PHKB: variants seen among roughly 807,000 people sequenced by gnomAD.
PHKB encodes the protein phosphorylase b kinase regulatory subunit beta.
Under a neutral mutation model 152.1 loss-of-function variants are expected in PHKB, and 122 were observed. That is an observed-to-expected ratio of 0.80 (90% CI 0.69 to 0.93). PHKB has a LOEUF of 0.93. Ranked by LOEUF, PHKB falls within the 40% of genes least tolerant of loss-of-function variation. The pLI, the probability that PHKB is intolerant of heterozygous loss-of-function variation, is 0.00. For missense variants in PHKB, 1,304 were observed against 1,328.4 expected, an observed-to-expected ratio of 0.98 and a Z score of 0.29; for synonymous variants, 436 against 464.9, an observed-to-expected ratio of 0.94 and a Z score of 0.80.
intron 26 of PHKB, among the ~76,000 whole-genome samples, chr16:47,674,105 C>G (rs1346809077): frequency 6.6e-6 from 1 of 151,776 alleles, no homozygotes; most frequent in Non-Finnish European, 1.5e-5. Flanking sequence ...AATTTATGAT[C>G]CATATTGTAT....
At chr16:47,465,278 A>G (rs960678982) in intron 1 of PHKB, among the ~76,000 whole-genome samples, 1 of 152,214 alleles carries the variant, frequency 6.6e-6, no homozygotes, top group African/African-American at 2.4e-5. Flanking sequence ...TCTGTTTTCC[A>G]TCTTGGCTTT....
intron 4 of PHKB, among the ~76,000 whole-genome samples, chr16:47,509,771 A>G (rs1045662469): frequency 1.3e-5 from 2 of 152,174 alleles, no homozygotes; most frequent in African/African-American, 4.8e-5. Context: ...CTGACACCAA[A>G]TGTGTGGATT....
chr16:47,663,171 G>C (rs1034054815), intron 23 of PHKB, among the ~76,000 whole-genome samples: 11 of 151,846 alleles, frequency 7.2e-5, no homozygotes, highest in Admixed American at 3.9e-4. Context: ...GTGATTTTAC[G>C]GGCAAAATCA....
At chr16:47,543,417 G>A (rs1021937492) in intron 6 of PHKB, among the ~76,000 whole-genome samples, 22 of 152,092 alleles carry the variant, frequency 1.4e-4, no homozygotes, top group African/African-American at 5.3e-4. Flanking sequence ...ATTTTATTGA[G>A]GATTTTTGCA....
chr16:47,610,304 C>T (rs1972404225), intron 13 of PHKB, among the ~76,000 whole-genome samples: 1 of 151,706 alleles, frequency 6.6e-6, no homozygotes, highest in East Asian at 1.9e-4. Flanking sequence ...CCACTGTGCC[C>T]AGCCATCTCA....
intron 1 of PHKB, among the ~76,000 whole-genome samples, chr16:47,487,422 TA>T (rs773832385): frequency 6.7e-6 from 1 of 148,594 alleles, no homozygotes; most frequent in Admixed American, 6.6e-5. Flanking sequence ...TTTATATATA[TA>T]TATATATTTT....
chr16:47,685,405 A>G (rs901458680), intron 26 of PHKB, among the ~76,000 whole-genome samples: 3 of 152,202 alleles, frequency 2.0e-5, no homozygotes, highest in African/African-American at 7.2e-5. Context: ...AGCCTGGGTG[A>G]CAGGGCGAGA....
At chr16:47,643,958 T>C (rs1489879844) in intron 16 of PHKB, among the ~76,000 whole-genome samples, 1 of 152,204 alleles carries the variant, frequency 6.6e-6, no homozygotes, top group African/African-American at 2.4e-5. Flanking sequence ...CACTACTGTG[T>C]CTTTCGGTGC....
intron 16 of PHKB, among the ~76,000 whole-genome samples, chr16:47,644,146 A>G (rs1442679349): frequency 6.6e-6 from 1 of 152,204 alleles, no homozygotes; most frequent in Non-Finnish European, 1.5e-5. Flanking sequence ...ACATTTTACC[A>G]TACATTTATT....
rs1973418516 is a variant in PHKB at position 47,660,378 on chromosome 16, T to G, written c.1972-128T>G. 5.4e-6 allele frequency: 4 copies of G among 735,138 alleles called. No homozygotes were observed. The East Asian group carries it at 8.0e-5, about 15-fold the overall frequency. The allele number at this position is 735,138 out of a possible 1,614,324, so 45.5% of individuals were successfully genotyped here. On this transcript the variant is annotated intron_variant, in intron 20 of 30. Transcript: ENST00000323584. ...TTAGAATGTTCATTTAAGAATTGCT[T>G]CAGAATTGTATATATTTTTAAGCAA...
intron 23 of PHKB, among the ~76,000 whole-genome samples, chr16:47,662,069 T>A (rs886405986): frequency 6.6e-6 from 1 of 152,228 alleles, no homozygotes; most frequent in African/African-American, 2.4e-5. Context: ...TGCCTGTGAC[T>A]GTTAACGTCT....
intron 3 of PHKB, among the ~76,000 whole-genome samples, chr16:47,500,195 G>A (rs975383762): frequency 3.3e-5 from 5 of 151,872 alleles, no homozygotes; most frequent in African/African-American, 9.7e-5. Context: ...GCACTACCAC[G>A]CCTGGCTAAT....
At position 47,648,568 on chromosome 16, in the gene PHKB, ACT is replaced by A; in HGVS notation, c.1649_1650del (p.Ser550TrpfsTer34). On this transcript the variant is annotated frameshift_variant, in exon 17 of 31. Transcript: ENST00000323584. LOFTEE classifies it high-confidence loss of function. ...LQLGINEKLG[L>X]SGRPDRPIGC... ...AGCTGGGTATCAATGAAAAGTTAGGACTCTCTGGAAGGCCAGACAGGCCCATT... is the reference window on the plus strand; with the variant it reads ...AGCTGGGTATCAATGAAAAGTTAGGACTCTGGAAGGCCAGACAGGCCCATT... 1 of 1,613,150 alleles carries A rather than the reference ACT, an allele frequency of 6.2e-7. No homozygotes were observed. The highest frequency in any genetic ancestry group is 8.5e-7 in the Non-Finnish European group (1 of 1,179,282).
intron 20 of PHKB, among the ~76,000 whole-genome samples, chr16:47,657,696 A>G (rs1394720892): frequency 6.6e-6 from 1 of 152,178 alleles, no homozygotes; most frequent in Non-Finnish European, 1.5e-5. Context: ...CATTTATTTT[A>G]TGGGCTGAAT....
rs1450736365 is a variant in PHKB, at chr16:47,701,293, A to G, written c.*1927A>G. 1 of 152,218 alleles carries G rather than the reference A, an allele frequency of 6.6e-6. No individual in the cohort carries two copies. Among genetic ancestry groups the G allele is most frequent in the African/African-American group, 2.4e-5 (1 of 41,464 alleles). The allele number at this position is 152,218 out of a possible 1,614,324, so 9.4% of individuals were successfully genotyped here. The stretch of plus-strand genomic sequence containing the variant: ...TTTAAAAAATCTGATTAGCTGAGCA[A>G]AGTTACCAGAAAACTGCTATCCTAG... On this transcript the variant is annotated 3_prime_UTR_variant, in exon 31 of 31. Transcript: ENST00000323584.
At chr16:47,617,862 A>G (rs1972547100) in intron 14 of PHKB, among the ~76,000 whole-genome samples, 1 of 152,226 alleles carries the variant, frequency 6.6e-6, no homozygotes, top group Admixed American at 6.5e-5. Context: ...AAATGCCAGA[A>G]CATGAAAGGC....
intron 24 of PHKB, 117 bp from the exon 25 acceptor site, chr16:47,664,768 T>G (rs1973507842): frequency 1.4e-6 from 1 of 732,836 alleles, no homozygotes; most frequent in Non-Finnish European, 2.5e-6. Flanking sequence ...CTTTATGCAT[T>G]TCAGATAAAT....
intron 14 of PHKB, among the ~76,000 whole-genome samples, chr16:47,638,743 T>C (rs773627036): frequency 3.9e-5 from 6 of 152,236 alleles, no homozygotes; most frequent in African/African-American, 4.8e-5. Flanking sequence ...TATTCTAACA[T>C]GGAGTCTTGT....
chr16:47,584,686 G>A (rs1009644304), intron 8 of PHKB, among the ~76,000 whole-genome samples: 3 of 152,180 alleles, frequency 2.0e-5, no homozygotes, highest in African/African-American at 7.2e-5. Flanking sequence ...CTCAGTGACA[G>A]CCTCATAACT....
Sources: allele counts gnomAD v4.1 joint callset (sites outside exome capture counted in the v4.1 genomes callset), GRCh38; gene constraint gnomAD v4.1.1; transcripts MANE v1.5; gene names NCBI Gene and HGNC (gene_info 2026-07-23, HGNC 2026-07-21).